SMURF2: variants seen among roughly 807,000 people sequenced by gnomAD.
SMURF2 encodes SMAD specific E3 ubiquitin protein ligase 2.
In SMURF2, 48 loss-of-function variants were observed where a neutral mutation model predicts 109.6. The ratio of observed to expected loss-of-function variants is 0.44; its 90% CI spans 0.35 to 0.56. SMURF2 has a LOEUF of 0.56. Ranked by LOEUF, SMURF2 falls within the 20% of genes least tolerant of loss-of-function variation. The pLI is 0.01. For missense variants in SMURF2, 575 were observed against 909.0 expected (o/e 0.63, Z 4.72); for synonymous variants, 288 against 317.1 (o/e 0.91, Z 0.97).
intron 9 of SMURF2, among the ~76,000 whole-genome samples, chr17:64,574,939 AT>A (rs1969468063): frequency 6.6e-6 from 1 of 152,220 alleles, no homozygotes; most frequent in Non-Finnish European, 1.5e-5. Flanking sequence ...GTTAAAAAAA[AT>A]GATCATTGTT....
At chr17:64,636,602 CAAAAAA>C (rs782425202) in intron 1 of SMURF2, among the ~76,000 whole-genome samples, 11 of 38,744 alleles carry the variant, frequency 2.8e-4, no homozygotes, top group African/African-American at 8.0e-4. Flanking sequence ...GACTCTGCCT[CAAAAAA>C]AAAAAAAAAA....
intron 1 of SMURF2, among the ~76,000 whole-genome samples, chr17:64,618,480 A>G (rs1555690302): frequency 6.6e-6 from 1 of 152,218 alleles, no homozygotes. Flanking sequence ...GAAAATACAC[A>G]AAAGTACCGT....
At chr17:64,640,851 G>A (rs776045902) in intron 1 of SMURF2, among the ~76,000 whole-genome samples, 5 of 151,074 alleles carry the variant, frequency 3.3e-5, no homozygotes, top group Admixed American at 6.6e-5. Context: ...CCAGGGAGTC[G>A]GAGATTGCAG....
At chr17:64,642,249 T>C (rs1555692623) in intron 1 of SMURF2, among the ~76,000 whole-genome samples, 1 of 152,168 alleles carries the variant, frequency 6.6e-6, no homozygotes, top group African/African-American at 2.4e-5. Context: ...ATCTAAGGGA[T>C]CTGGAAAAGC....
intron 2 of SMURF2, among the ~76,000 whole-genome samples, chr17:64,601,129 G>A (rs1410521904): frequency 1.3e-5 from 2 of 151,930 alleles, no homozygotes; most frequent in African/African-American, 2.4e-5. Flanking sequence ...GGTGGCATAC[G>A]TCTGTAGTCT....
rs59701513 is a variant in SMURF2 at position 64,637,923 on chromosome 17, C to CAAAAAAAAAAAAAAA, written c.52+23891_52+23905dup. On this transcript the variant is annotated intron_variant, in intron 1 of 18. Coordinates refer to ENST00000262435, the MANE Select transcript of SMURF2 (RefSeq NM_022739.4). ...CATTGAATGGTTTTGGCGCCCTAGT[C>CAAAAAAAAAAAAAAA]AAAAAAAAAAAAAAAAAAAATCAAC... 4.7e-4 allele frequency among the ~76,000 whole-genome samples: 34 copies of CAAAAAAAAAAAAAAA among 72,546 alleles called. 1 individual carries two copies. The highest frequency in any genetic ancestry group is 9.7e-4 in the South Asian group (2 of 2,062). 47.6% of individuals were successfully genotyped at this position (72,546 alleles called of 152,430 possible).
intron 2 of SMURF2, among the ~76,000 whole-genome samples, chr17:64,602,113 T>C (rs115663452): frequency 0.013 from 2,048 of 151,918 alleles, 42 homozygotes; most frequent in African/African-American, 0.047. Context: ...CAGTCACATG[T>C]GGGAGCTAAG....
intron 1 of SMURF2, among the ~76,000 whole-genome samples, chr17:64,655,567 ACTT>A (rs1037376989): frequency 1.1e-4 from 16 of 151,790 alleles, no homozygotes; most frequent in Admixed American, 4.6e-4. Context: ...CCCCAATGAA[ACTT>A]CTTATTAAAC....
At chr17:64,661,705 T>C (rs1270773021) in intron 1 of SMURF2, 124 bp downstream of exon 1, 4 of 596,330 alleles carry the variant, frequency 6.7e-6, no homozygotes, top group African/African-American at 4.0e-5. Flanking sequence ...GAACTAGGCC[T>C]TCCCATTCCT....
chr17:64,654,566 A>C (rs1215734446), intron 1 of SMURF2, among the ~76,000 whole-genome samples: 1 of 152,186 alleles, frequency 6.6e-6, no homozygotes, highest in Non-Finnish European at 1.5e-5. Flanking sequence ...GCGGTGGCTC[A>C]TGCCTGTAAT....
In SMURF2 at chr17:64,543,851, T is replaced by G. The variant is rs1031623347; in HGVS notation, c.*1997A>C. 4.6e-5 allele frequency: 7 copies of G among 152,164 alleles called. No homozygotes were observed. Among genetic ancestry groups the G allele is most frequent in the Non-Finnish European group, 8.8e-5 (6 of 68,030 alleles). 9.4% of individuals were successfully genotyped at this position (152,164 alleles called of 1,614,324 possible). On this transcript the variant is annotated 3_prime_UTR_variant, in exon 19 of 19. Transcript: ENST00000262435. ...AAGTACTATCATGACAGCTGAACAT[T>G]ACTGATTATCAAATAGCATAGAAAC...
At chr17:64,602,880 G>A (rs1279186539) in intron 2 of SMURF2, among the ~76,000 whole-genome samples, 5 of 151,718 alleles carry the variant, frequency 3.3e-5, no homozygotes, top group Non-Finnish European at 5.9e-5. Context: ...AGTCGAGATC[G>A]CGCCACTGCA....
intron 8 of SMURF2, 40 bp from the exon 9 acceptor site, chr17:64,578,616 G>A (rs1555686278): frequency 7.2e-7 from 1 of 1,391,366 alleles, no homozygotes. Flanking sequence ...AACATTCAGA[G>A]TGTCCAGATC....
chr17:64,654,842 T>TA (rs1555693776), intron 1 of SMURF2, among the ~76,000 whole-genome samples: 182 of 151,706 alleles, frequency 1.2e-3, no homozygotes, highest in African/African-American at 4.3e-3. Context: ...AAAATAATAA[T>TA]AATAAATAAA....
At chr17:64,654,778 G>A (rs1347973355) in intron 1 of SMURF2, among the ~76,000 whole-genome samples, 6 of 152,168 alleles carry the variant, frequency 3.9e-5, no homozygotes, top group Admixed American at 1.3e-4. Flanking sequence ...GCAGTGAGCC[G>A]AGATGGCGCC....
chr17:64,629,318 T>C (rs1334281805), intron 1 of SMURF2, among the ~76,000 whole-genome samples: 1 of 152,060 alleles, frequency 6.6e-6, no homozygotes. Flanking sequence ...TTGAACAACA[T>C]AGTGAGACCC....
In SMURF2 at chr17:64,568,444, G is replaced by C. The variant is rs115494171; in HGVS notation, c.1016+3354C>G. Among the ~76,000 whole-genome samples the C allele has an allele frequency of 2.1e-3, 318 of 152,226 alleles. 1 individual carries two copies. The highest frequency in any genetic ancestry group is 7.4e-3 in the African/African-American group (308 of 41,536). ...AATAAAGCACAACCACCTCTTGGAG[G>C]CTTCCTGGGCCTCTCAGAGAGCCAT... On this transcript the variant is annotated intron_variant, in intron 10 of 18. Transcript: ENST00000262435.
intron 1 of SMURF2, among the ~76,000 whole-genome samples, chr17:64,648,158 A>T (rs1970586965): frequency 1.3e-5 from 2 of 152,034 alleles, no homozygotes; most frequent in Middle Eastern, 3.4e-3. Flanking sequence ...GAACTCTAAA[A>T]AAAAATGTTA....
At chr17:64,570,229 T>C (rs1287620256) in intron 10 of SMURF2, among the ~76,000 whole-genome samples, 3 of 152,220 alleles carry the variant, frequency 2.0e-5, no homozygotes, top group Non-Finnish European at 4.4e-5. Context: ...TTTTAAAGTA[T>C]ATTATTATTT....
Sources: gnomAD v4.1 joint callset for allele counts (sites outside exome capture counted in the v4.1 genomes callset) on GRCh38, gnomAD v4.1.1 for gene constraint, MANE v1.5 for transcripts, NCBI Gene and HGNC (gene_info 2026-07-23, HGNC 2026-07-21) for gene names.